Variants in L3MBTL4 observed in about 807,000 individuals in gnomAD.
The protein encoded by L3MBTL4 is L3MBTL histone methyl-lysine binding protein 4.
In L3MBTL4, 70 loss-of-function variants were observed where a neutral mutation model predicts 84.5. The observed-to-expected ratio is 0.83, with a 90% CI of 0.68 to 1.01. The LOEUF is 1.01. L3MBTL4 is among the 50% of genes least tolerant of loss of function. The probability of loss-of-function intolerance (pLI) is 0.00; values close to 1 mark genes in which losing one functional copy is unlikely to be tolerated. For missense variants in L3MBTL4, 715 were observed against 754.8 expected (o/e 0.95, Z 0.62); for synonymous variants, 274 against 259.8 (o/e 1.05, Z -0.52).
At chr18:6,248,623 G>A (rs1260898864) in intron 5 of L3MBTL4, among the ~76,000 whole-genome samples, 1 of 152,094 alleles carries the variant, frequency 6.6e-6, no homozygotes, top group Non-Finnish European at 1.5e-5. Flanking sequence ...GCTTCTTTTT[G>A]TAAAGATAAG....
intron 10 of L3MBTL4, among the ~76,000 whole-genome samples, chr18:6,221,642 C>T (rs1172778148): frequency 6.6e-6 from 1 of 152,180 alleles, no homozygotes; most frequent in Non-Finnish European, 1.5e-5. Context: ...TTACTGAGTG[C>T]TCTAGGCTGC....
intron 4 of L3MBTL4, among the ~76,000 whole-genome samples, chr18:6,293,092 T>C (rs565877482): frequency 5.3e-5 from 8 of 152,342 alleles, no homozygotes; most frequent in Admixed American, 3.3e-4. Flanking sequence ...ACTATAATTC[T>C]TTCTTCCCAA....
At chr18:6,032,185 G>T (rs1235079217) in intron 16 of L3MBTL4, 1 of 361,418 alleles carries the variant, frequency 2.8e-6, no homozygotes, top group Non-Finnish European at 4.1e-6. Flanking sequence ...CACTGCGTTG[G>T]CCAGGATGGT....
intron 1 of L3MBTL4, among the ~76,000 whole-genome samples, chr18:6,330,491 C>G (rs2051974156): frequency 6.6e-6 from 1 of 152,230 alleles, no homozygotes; most frequent in Admixed American, 6.5e-5. Flanking sequence ...GGATATGTCA[C>G]CCAGACACAG....
chr18:6,232,004 T>C (rs1186441874), intron 10 of L3MBTL4, among the ~76,000 whole-genome samples: 2 of 152,152 alleles, frequency 1.3e-5, no homozygotes, highest in Admixed American at 1.3e-4. Context: ...CACCATTGAG[T>C]ATGATATTCC....
At chr18:6,017,179 C>A (rs544522704) in intron 16 of L3MBTL4, among the ~76,000 whole-genome samples, 12 of 152,326 alleles carry the variant, frequency 7.9e-5, no homozygotes, top group Admixed American at 7.2e-4. Context: ...GCATCTCCAG[C>A]AGAGATTGTT....
intron 14 of L3MBTL4, among the ~76,000 whole-genome samples, chr18:6,102,485 A>T (rs2058865665): frequency 6.6e-6 from 1 of 152,216 alleles, no homozygotes; most frequent in Non-Finnish European, 1.5e-5. Flanking sequence ...AGAAAGATTA[A>T]TCAAGCCTTT....
rs530657430 is a variant in L3MBTL4, at chr18:6,189,279, C to T, written c.982-17337G>A. ...CTCATGAAACCCAGGATGAGCTCAT[C>T]TCAAGATCCTTAACTTAATTAAATC... On this transcript the variant is annotated intron_variant, in intron 12 of 18. Transcript: ENST00000317931. Among the ~76,000 whole-genome samples, 4 of 152,328 alleles carry T rather than the reference C, an allele frequency of 2.6e-5. No homozygotes were observed. In the East Asian group the frequency reaches 5.8e-4, roughly 22 times the overall value.
intron 15 of L3MBTL4, among the ~76,000 whole-genome samples, chr18:6,091,223 T>G (rs2058446907): frequency 6.6e-6 from 1 of 151,674 alleles, no homozygotes; most frequent in Non-Finnish European, 1.5e-5. Flanking sequence ...GTCGATTCCT[T>G]TGTTCTCTTT....
intron 16 of L3MBTL4, among the ~76,000 whole-genome samples, chr18:5,977,741 T>C (rs1203892870): frequency 2.0e-5 from 3 of 152,166 alleles, no homozygotes; most frequent in Non-Finnish European, 2.9e-5. Flanking sequence ...TAGGGTTCTC[T>C]AGACCCAGAG....
chr18:6,311,429 A>C, intron 3 of L3MBTL4, 125 bp downstream of exon 3: 3 of 725,322 alleles, frequency 4.1e-6, no homozygotes, highest in Non-Finnish European at 7.4e-6. Context: ...AAGCTCAAGC[A>C]GAAGCCACAT....
At chr18:6,272,318 T>C (rs1321763801) in intron 4 of L3MBTL4, among the ~76,000 whole-genome samples, 2 of 152,158 alleles carry the variant, frequency 1.3e-5, no homozygotes, top group Admixed American at 1.3e-4. Flanking sequence ...CCCTACCAAA[T>C]ACCCTCACCT....
intron 3 of L3MBTL4, among the ~76,000 whole-genome samples, chr18:6,306,303 G>A (rs75433206): frequency 0.016 from 2,387 of 152,194 alleles, 66 homozygotes; most frequent in African/African-American, 0.054. Context: ...ACACACTCAG[G>A]GAGAATGAAA....
intron 11 of L3MBTL4, among the ~76,000 whole-genome samples, chr18:6,213,743 A>G (rs1404654392): frequency 1.3e-5 from 2 of 152,222 alleles, no homozygotes; most frequent in African/African-American, 4.8e-5. Flanking sequence ...ATAGGACTGT[A>G]TGCATATTAT....
At position 6,307,811 on chromosome 18, in the gene L3MBTL4, G is replaced by C. The variant is rs934244135; in HGVS notation, c.72+3743C>G. On this transcript the variant is annotated intron_variant, in intron 3 of 18. Coordinates refer to ENST00000317931, the MANE Select transcript of L3MBTL4 (RefSeq NM_001330559.2). ...AGAGGTTCACAGGGAGAGGGAGAAT[G>C]GGAATTAACATTTTTTCAGTATCAA... is the stretch of plus-strand genomic sequence containing the variant. Among the ~76,000 whole-genome samples, 12 of 152,248 alleles carry C rather than the reference G, an allele frequency of 7.9e-5. No individual in the cohort carries two copies. The East Asian group carries it at 1.5e-3, about 20-fold the overall frequency.
At chr18:6,062,308 T>C (rs1405534215) in intron 16 of L3MBTL4, among the ~76,000 whole-genome samples, 4 of 152,044 alleles carry the variant, frequency 2.6e-5, no homozygotes, top group Non-Finnish European at 4.4e-5. Context: ...TACTCTCTTC[T>C]GGCTCACATA....
chr18:6,359,490 A>T lies in L3MBTL4; in HGVS notation c.-90-47434T>A, dbSNP rs571046183. Among the ~76,000 whole-genome samples the T allele has an allele frequency of 3.0e-4, 46 of 152,322 alleles. No homozygotes were observed. The South Asian group carries it at 6.6e-3, about 22-fold the overall frequency. ...ATGACCTCAAACAATTACTTAGTATAATCTTGAGAAAATGGCTAAAATAAG... is the reference window on the plus strand; with the variant it reads ...ATGACCTCAAACAATTACTTAGTATTATCTTGAGAAAATGGCTAAAATAAG... On this transcript the variant is annotated intron_variant, in intron 1 of 18. Coordinates refer to ENST00000317931, the MANE Select transcript of L3MBTL4 (RefSeq NM_001330559.2).
At chr18:6,060,463 AACAG>A (rs1367221387) in intron 16 of L3MBTL4, among the ~76,000 whole-genome samples, 1 of 151,610 alleles carries the variant, frequency 6.6e-6, no homozygotes, top group Non-Finnish European at 1.5e-5. Context: ...AAAAAAATTT[AACAG>A]ACAGTACAGA....
intron 16 of L3MBTL4, among the ~76,000 whole-genome samples, chr18:5,994,864 A>G (rs1413224243): frequency 2.0e-5 from 3 of 152,166 alleles, no homozygotes; most frequent in Non-Finnish European, 4.4e-5. Flanking sequence ...TCCACATAAA[A>G]ACCATAATCT....
Sources: gnomAD v4.1 joint callset for allele counts (sites outside exome capture counted in the v4.1 genomes callset) on GRCh38, gnomAD v4.1.1 for gene constraint, MANE v1.5 for transcripts, NCBI Gene and HGNC (gene_info 2026-07-23, HGNC 2026-07-21) for gene names.